Variants in PRPF38A observed in about 807,000 individuals in gnomAD.
PRPF38A encodes the protein pre-mRNA-splicing factor 38A.
In PRPF38A, 11 loss-of-function variants were observed where a neutral mutation model predicts 46.8. The observed-to-expected ratio is 0.24, with a 90% CI of 0.15 to 0.39. The LOEUF (loss-of-function observed/expected upper bound fraction) is 0.39, where lower values mean the gene tolerates loss of function less well. Ranked by LOEUF, PRPF38A falls within the 10% of genes least tolerant of loss-of-function variation. The pLI is 1.00. For synonymous variants in PRPF38A, 124 were observed against 136.2 expected (o/e 0.91, Z 0.62); for missense variants, 261 against 407.5 (o/e 0.64, Z 3.10).
In PRPF38A at chr1:52,413,942, C is replaced by T. The variant is rs376196290; in HGVS notation, c.673C>T (p.Arg225Cys). Residue 225 changes from arginine (R) to cysteine (C), a missense_variant, in exon 6 of 10, where the codon CGC becomes TGC. By Grantham distance (180) the Arg-to-Cys change is radical. Coordinates refer to ENST00000257181, the MANE Select transcript of PRPF38A (RefSeq NM_032864.4). ...RSYRDLDKPR[R>C]SPTLRYRRSR... is the part of the protein sequence containing the mutation. ...CTACCGAGACTTGGACAAGCCCCGT[C>T]GCTCTCCCACACTGCGCTACAGGAG... 6.3e-5 allele frequency: 101 copies of T among 1,613,900 alleles called. No individual in the cohort carries two copies. Among genetic ancestry groups the T allele is most frequent in the Admixed American group, 1.7e-4 (10 of 60,002 alleles).
intron 4 of PRPF38A, among the ~76,000 whole-genome samples, chr1:52,411,901 T>C (rs189735283): frequency 1.3e-3 from 194 of 152,312 alleles, no homozygotes; most frequent in Middle Eastern, 6.8e-3. Context: ...TTGCCCAGGC[T>C]GTTCTTAAAC....
rs1648421785 is a variant in PRPF38A at position 52,420,020 on chromosome 1, CAG to C, written c.*3333_*3334del. 1 of 152,314 alleles carries C rather than the reference CAG, an allele frequency of 6.6e-6. No individual in the cohort carries two copies. Among genetic ancestry groups the C allele is most frequent in the Non-Finnish European group, 1.5e-5 (1 of 68,178 alleles). The allele number at this position is 152,314 out of a possible 1,614,324, so 9.4% of individuals were successfully genotyped here. A position where few individuals can be genotyped will look rare whatever the true frequency, so the allele number is the denominator to read the frequency against. On this transcript the variant is annotated 3_prime_UTR_variant, in exon 10 of 10. Transcript: ENST00000257181. ...CGCCATTGCACTCCAGCCTGGGCAA[CAG>C]AGTGAGACTCCGTCTCAAAAAGAAA...
At chr1:52,405,343 A>C (rs2147952690) in intron 1 of PRPF38A, among the ~76,000 whole-genome samples, 1 of 152,292 alleles carries the variant, frequency 6.6e-6, no homozygotes, top group South Asian at 2.1e-4. Flanking sequence ...TGTGGCTTTA[A>C]ATCCATGTCC....
Position 52,410,816 on chromosome 1 carries a change from A to G in PRPF38A, c.413-299A>G, listed in dbSNP as rs538412760. ...CACTCCTAGCCAGTTCTCAAAAGCT[A>G]TCACTCCATGTGCCATATAAGATAC... On this transcript the variant is annotated intron_variant, in intron 3 of 9. Transcript: ENST00000257181. 3.9e-5 allele frequency among the ~76,000 whole-genome samples: 6 copies of G among 152,298 alleles called. No homozygotes were observed. The East Asian group carries it at 5.8e-4, about 15-fold the overall frequency.
At chr1:52,413,319 A>G (rs1477631595) in intron 5 of PRPF38A, among the ~76,000 whole-genome samples, 1 of 152,238 alleles carries the variant, frequency 6.6e-6, no homozygotes, top group East Asian at 1.9e-4. Flanking sequence ...GGAGGGGGAA[A>G]ATGTCAACCG....
In PRPF38A at chr1:52,418,742, C is replaced by G. The variant is rs978529621; in HGVS notation, c.*2052C>G. The G allele has an allele frequency of 2.0e-5, 3 of 152,198 alleles. No homozygotes were observed. Among genetic ancestry groups the G allele is most frequent in the Admixed American group, 2.0e-4 (3 of 15,280 alleles). The allele number at this position is 152,198 out of a possible 1,614,324, so 9.4% of individuals were successfully genotyped here. On this transcript the variant is annotated 3_prime_UTR_variant, in exon 10 of 10. Coordinates refer to ENST00000257181, the MANE Select transcript of PRPF38A (RefSeq NM_032864.4). ...GACAAACCTTGCTGTAAGGCTCTTTCTGTCATCTATGTGCTTGCCTATGGA... is the reference window on the plus strand; with the variant it reads ...GACAAACCTTGCTGTAAGGCTCTTTGTGTCATCTATGTGCTTGCCTATGGA...
chr1:52,409,115 G>T, intron 3 of PRPF38A: 1 of 158,042 alleles, frequency 6.3e-6, no homozygotes, highest in Admixed American at 6.1e-5. Flanking sequence ...CAGCATATAA[G>T]ACTACTCATT....
intron 3 of PRPF38A, among the ~76,000 whole-genome samples, chr1:52,409,913 T>C (rs1281534293): frequency 6.6e-6 from 1 of 152,012 alleles, no homozygotes; most frequent in East Asian, 1.9e-4. Flanking sequence ...AACACCTCCT[T>C]CTAAGTAGGG....
chr1:52,412,272 G>T (rs181869685), intron 4 of PRPF38A, among the ~76,000 whole-genome samples: 1 of 152,304 alleles, frequency 6.6e-6, no homozygotes, highest in East Asian at 1.9e-4. Flanking sequence ...CATGACTTTA[G>T]AGTATAAGGT....
At position 52,417,350 on chromosome 1, in the gene PRPF38A, G is replaced by T. The variant is rs1430808124; in HGVS notation, c.*660G>T. On this transcript the variant is annotated 3_prime_UTR_variant, in exon 10 of 10. Coordinates refer to ENST00000257181, the MANE Select transcript of PRPF38A (RefSeq NM_032864.4). The stretch of plus-strand genomic sequence containing the variant: ...CCCACAAGCTTGAAATCCAGGTTAA[G>T]GTATCCAGCCTTTATCATATAAGCA... 6.6e-6 allele frequency: 1 copy of T among 152,298 alleles called. No homozygotes were observed. The highest frequency in any genetic ancestry group is 2.4e-5 in the African/African-American group (1 of 41,426). 9.4% of individuals were successfully genotyped at this position (152,298 alleles called of 1,614,324 possible). A position where few individuals can be genotyped will look rare whatever the true frequency, so the allele number is the denominator to read the frequency against.
chr1:52,409,933 TG>T (rs1648100388), intron 3 of PRPF38A, among the ~76,000 whole-genome samples: 1 of 152,030 alleles, frequency 6.6e-6, no homozygotes, highest in Admixed American at 6.6e-5. Flanking sequence ...GGGATGGGCA[TG>T]TGCAAAATTG....
rs929199388 is a variant in PRPF38A at position 52,420,233 on chromosome 1, G to GA, written c.*3549dup. 3.9e-5 allele frequency: 6 copies of GA among 152,118 alleles called. No individual in the cohort carries two copies. Among genetic ancestry groups the GA allele is most frequent in the African/African-American group, 1.4e-4 (6 of 41,418 alleles). 9.4% of individuals were successfully genotyped at this position (152,118 alleles called of 1,614,324 possible). ...AAAAGTACAAATCATGAGTCTTTGG[G>GA]AAAAAACCGCCCAATAATGAAATTC... On this transcript the variant is annotated 3_prime_UTR_variant, in exon 10 of 10. Transcript: ENST00000257181.
At position 52,415,370 on chromosome 1, in the gene PRPF38A, T is replaced by C. The variant is rs1469567246; in HGVS notation, c.880T>C (p.Ser294Pro). Residue 294 changes from serine (S) to proline (P), a missense_variant, in exon 9 of 10, where the codon TCA becomes CCA. Ser to Pro is a moderately conservative substitution (Grantham distance 74). Coordinates refer to ENST00000257181, the MANE Select transcript of PRPF38A (RefSeq NM_032864.4). ...HHRSHRHRSH[S>P]KSPERSKKSH... is the part of the protein sequence containing the mutation. The stretch of plus-strand genomic sequence containing the variant: ...CCGTAGTCACAGACACAGGAGCCAC[T>C]CAAAGTCTCCCGAAAGGTAATGAAT... 1.2e-6 allele frequency: 2 copies of C among 1,613,872 alleles called. No individual in the cohort carries two copies. Among genetic ancestry groups the C allele is most frequent in the Non-Finnish European group, 8.5e-7 (1 of 1,179,786 alleles).
chr1:52,408,802 TTGTTACTG>T (rs1289341297), intron 3 of PRPF38A, 112 bp downstream of exon 3: 1 of 1,310,842 alleles, frequency 7.6e-7, no homozygotes, highest in African/African-American at 1.5e-5. Flanking sequence ...TTCATCTACA[TTGTTACTG>T]TCTCTATGCA....
chr1:52,404,758 C>T lies in PRPF38A; in HGVS notation c.9C>T (p.Asn3=), dbSNP rs1274765624. Residue 3 remains asparagine, a synonymous_variant, in exon 1 of 10, where the codon AAC becomes AAT. Transcript: ENST00000257181. MA[N]RTVKDAHSIH... ...ATTGAAGGCATTCTAAAATGGCTAA[C>T]CGTACAGTGAAGGATGCGCACAGCA... 6.2e-6 allele frequency: 10 copies of T among 1,613,416 alleles called. No homozygotes were observed. Among genetic ancestry groups the T allele is most frequent in the Middle Eastern group, 1.7e-4 (1 of 6,054 alleles).
At chr1:52,416,625 A>G (rs1390859073) in intron 9 of PRPF38A, 23 bp from the exon 10 acceptor site, 1 of 1,597,362 alleles carries the variant, frequency 6.3e-7, no homozygotes, top group South Asian at 1.1e-5. Flanking sequence ...TAATATAATT[A>G]TTTATATGTG....
chr1:52,410,488 CAT>C lies in PRPF38A; in HGVS notation c.413-619_413-618del, dbSNP rs911964795. ...ATATATATATATACACACACACACA[CAT>C]ATATATAGACATATAATTTTTTTTT... On this transcript the variant is annotated intron_variant, in intron 3 of 9. Transcript: ENST00000257181. 1.3e-4 allele frequency among the ~76,000 whole-genome samples: 20 copies of C among 148,874 alleles called. No individual in the cohort carries two copies. The East Asian group carries it at 2.6e-3, about 19-fold the overall frequency.
At chr1:52,406,793 T>A (rs1648009706) in intron 2 of PRPF38A, among the ~76,000 whole-genome samples, 1 of 152,230 alleles carries the variant, frequency 6.6e-6, no homozygotes, top group Non-Finnish European at 1.5e-5. Context: ...CACAACAACC[T>A]TCTAAACTTT....
At chr1:52,408,901 C>A in intron 3 of PRPF38A, 1 of 478,910 alleles carries the variant, frequency 2.1e-6, no homozygotes, top group Non-Finnish European at 3.7e-6. Flanking sequence ...CTCTGTCTGT[C>A]TCCCTTTCCA....
Sources: allele counts gnomAD v4.1 joint callset (sites outside exome capture counted in the v4.1 genomes callset), GRCh38; gene constraint gnomAD v4.1.1; transcripts MANE v1.5; gene names NCBI Gene and HGNC (gene_info 2026-07-23, HGNC 2026-07-21).